Variants in VTI1A observed in about 807,000 individuals in gnomAD.
VTI1A encodes the protein vesicle transport through interaction with t-SNAREs 1A, also known as vesicle transport through interaction with t-SNAREs homolog 1A.
In VTI1A, 22 loss-of-function variants were observed where a neutral mutation model predicts 34.9. That is an observed-to-expected ratio of 0.63 (90% CI 0.45 to 0.90). The LOEUF (loss-of-function observed/expected upper bound fraction) is 0.90, where lower values mean the gene tolerates loss of function less well. VTI1A is among the 40% of genes least tolerant of loss of function. The pLI is 0.00. For missense variants in VTI1A, 268 were observed against 275.6 expected (o/e 0.97, Z 0.20); for synonymous variants, 87 against 97.3 (o/e 0.89, Z 0.62).
At chr10:112,568,938 T>G (rs1852008251) in intron 5 of VTI1A, among the ~76,000 whole-genome samples, 1 of 152,094 alleles carries the variant, frequency 6.6e-6, no homozygotes, top group African/African-American at 2.4e-5. Context: ...GCGGATCACC[T>G]GAGGTCGGGA....
intron 7 of VTI1A, among the ~76,000 whole-genome samples, chr10:112,756,355 C>A (rs1851283094): frequency 6.6e-6 from 1 of 152,154 alleles, no homozygotes; most frequent in Non-Finnish European, 1.5e-5. Flanking sequence ...TTGCCTCTCT[C>A]AGCAAACAAA....
chr10:112,737,882 A>G, intron 7 of VTI1A: 1 of 1,062,424 alleles, frequency 9.4e-7, no homozygotes, highest in Non-Finnish European at 1.1e-6. Context: ...CGTAGGATCG[A>G]TGCCTTTCAG....
intron 5 of VTI1A, among the ~76,000 whole-genome samples, chr10:112,562,990 A>G (rs1292920311): frequency 2.0e-5 from 3 of 152,138 alleles, no homozygotes; most frequent in Admixed American, 6.6e-5. Flanking sequence ...TTTCATAAGA[A>G]CATCAAAACC....
intron 5 of VTI1A, among the ~76,000 whole-genome samples, chr10:112,577,838 G>A (rs1843769258): frequency 6.6e-6 from 1 of 152,202 alleles, no homozygotes; most frequent in South Asian, 2.1e-4. Context: ...AGGCAGTGAA[G>A]AATTGCAAGA....
intron 7 of VTI1A, among the ~76,000 whole-genome samples, chr10:112,757,527 G>C (rs888156017): frequency 6.7e-6 from 1 of 150,180 alleles, no homozygotes; most frequent in African/African-American, 2.4e-5. Context: ...TGGGAATACA[G>C]GCACGGGCCA....
chr10:112,754,227 T>C (rs928692449), intron 7 of VTI1A, among the ~76,000 whole-genome samples: 1 of 152,308 alleles, frequency 6.6e-6, no homozygotes, highest in South Asian at 2.1e-4. Flanking sequence ...AATGTAGTCA[T>C]GTTTTTGTTA....
chr10:112,520,540 A>G (rs1313905660), intron 3 of VTI1A, among the ~76,000 whole-genome samples: 2 of 151,722 alleles, frequency 1.3e-5, no homozygotes, highest in Non-Finnish European at 2.9e-5. Flanking sequence ...CAGAGTTCCT[A>G]ATATAAATAA....
intron 7 of VTI1A, among the ~76,000 whole-genome samples, chr10:112,703,997 ACTGT>A (rs1300227485): frequency 2.0e-5 from 3 of 152,202 alleles, no homozygotes. Context: ...GCATAGTGTG[ACTGT>A]CTAATACATC....
At chr10:112,763,008 C>A (rs997628709) in intron 7 of VTI1A, among the ~76,000 whole-genome samples, 1 of 152,174 alleles carries the variant, frequency 6.6e-6, no homozygotes, top group Non-Finnish European at 1.5e-5. Context: ...TACCTTTTGG[C>A]ACCAAAAACT....
chr10:112,782,421 G>C (rs1312080280), intron 7 of VTI1A, among the ~76,000 whole-genome samples: 2 of 152,278 alleles, frequency 1.3e-5, no homozygotes, highest in Non-Finnish European at 2.9e-5. Flanking sequence ...GGAAGCGCAT[G>C]CTCTTTCTCC....
chr10:112,494,667 C>G (rs1435211262), intron 3 of VTI1A, among the ~76,000 whole-genome samples: 3 of 152,146 alleles, frequency 2.0e-5, no homozygotes, highest in African/African-American at 7.2e-5. Context: ...TGCCACAACA[C>G]CCAGCTAATT....
chr10:112,611,737 A>ATTTTTTTT lies in VTI1A; in HGVS notation c.428-56466_428-56459dup, dbSNP rs3057346. On this transcript the variant is annotated intron_variant, in intron 5 of 7. Transcript: ENST00000393077. ...TAAAGCCCATTTGGTGAGAAAGGTA[A>ATTTTTTTT]TTTTTTTTTTTTTTTTTTTTTTGTG... is the stretch of plus-strand genomic sequence containing the variant. Among the ~76,000 whole-genome samples the ATTTTTTTT allele has an allele frequency of 2.9e-3, 289 of 100,756 alleles. 9 individuals are homozygous for ATTTTTTTT. The highest frequency in any genetic ancestry group is 3.5e-3 in the African/African-American group (78 of 22,352). The allele number at this position is 100,756 out of a possible 152,430, so 66.1% of individuals were successfully genotyped here. A position where few individuals can be genotyped will look rare whatever the true frequency, so the allele number is the denominator to read the frequency against.
chr10:112,623,915 A>G (rs749424601), intron 5 of VTI1A, among the ~76,000 whole-genome samples: 5 of 152,238 alleles, frequency 3.3e-5, no homozygotes, highest in Non-Finnish European at 7.3e-5. Context: ...TGCACTGGTC[A>G]GAAGCAGCCT....
At chr10:112,836,283 G>A in the VTI1A span, among the ~76,000 whole-genome samples, 1 of 152,186 alleles carries the variant, frequency 6.6e-6, no homozygotes, top group Non-Finnish European at 1.5e-5. Context: ...CCCATGGCCA[G>A]AGACCCAGCT....
intron 5 of VTI1A, among the ~76,000 whole-genome samples, chr10:112,558,160 C>T (rs1851598497): frequency 6.6e-6 from 1 of 152,180 alleles, no homozygotes; most frequent in South Asian, 2.1e-4. Flanking sequence ...GTCAGTGTCT[C>T]TAAGTACCAG....
intron 1 of VTI1A, among the ~76,000 whole-genome samples, 184 bp downstream of exon 1, chr10:112,447,651 C>A (rs1009572204): frequency 1.3e-5 from 2 of 152,060 alleles, no homozygotes; most frequent in South Asian, 2.1e-4. Context: ...TGTGGGGTGC[C>A]GTGAAAAGAG....
intron 5 of VTI1A, among the ~76,000 whole-genome samples, chr10:112,664,313 G>A (rs1402767992): frequency 6.6e-6 from 1 of 152,128 alleles, no homozygotes; most frequent in Non-Finnish European, 1.5e-5. Context: ...ATAACATGAT[G>A]TGAGCTTCAG....
intron 3 of VTI1A, among the ~76,000 whole-genome samples, chr10:112,525,159 C>T (rs1850175837): frequency 6.6e-6 from 1 of 152,166 alleles, no homozygotes; most frequent in Non-Finnish European, 1.5e-5. Context: ...TGGGTCACTA[C>T]TGAATTGTCG....
At chr10:112,758,415 G>A (rs1590158423) in intron 7 of VTI1A, among the ~76,000 whole-genome samples, 1 of 147,968 alleles carries the variant, frequency 6.8e-6, no homozygotes, top group African/African-American at 2.4e-5. Flanking sequence ...AGGATCACCT[G>A]GGGTACAGGT....
Sources: allele counts gnomAD v4.1 joint callset (sites outside exome capture counted in the v4.1 genomes callset), GRCh38; gene constraint gnomAD v4.1.1; transcripts MANE v1.5; gene names NCBI Gene and HGNC (gene_info 2026-07-23, HGNC 2026-07-21).